MRPL42: variants seen among roughly 807,000 people sequenced by gnomAD.
The protein encoded by MRPL42 is large ribosomal subunit protein mL42.
Under a neutral mutation model 17.9 loss-of-function variants are expected in MRPL42, and 17 were observed. The observed-to-expected ratio is 0.95, with a 90% CI of 0.65 to 1.42. The LOEUF is 1.42. Ranked by LOEUF, MRPL42 falls within the 40% of genes most tolerant of loss-of-function variation. The probability of loss-of-function intolerance (pLI) is 0.00; values close to 1 mark genes in which losing one functional copy is unlikely to be tolerated. For missense variants in MRPL42, 177 were observed against 175.2 expected, an observed-to-expected ratio of 1.01 and a Z score of -0.06; for synonymous variants, 59 against 54.4, an observed-to-expected ratio of 1.08 and a Z score of -0.37.
intron 5 of MRPL42, among the ~76,000 whole-genome samples, chr12:93,492,642 T>A (rs1953436190): frequency 6.6e-6 from 1 of 152,360 alleles, no homozygotes; most frequent in Admixed American, 6.5e-5. Flanking sequence ...ACCTTCAGAA[T>A]GCTAAGAACT....
At chr12:93,485,019 T>TATAC (rs1880669073) in intron 4 of MRPL42, among the ~76,000 whole-genome samples, 5 of 43,692 alleles carry the variant, frequency 1.1e-4, no homozygotes, top group African/African-American at 1.9e-4. Flanking sequence ...TATATATATA[T>TATAC]ATATATATAA....
At chr12:93,492,035 T>C (rs191336002) in intron 5 of MRPL42, among the ~76,000 whole-genome samples, 1 of 152,374 alleles carries the variant, frequency 6.6e-6, no homozygotes, top group African/African-American at 2.4e-5. Context: ...GGCACCTGGA[T>C]TGATTCCATG....
chr12:93,489,584 AG>A (rs1459339471), intron 5 of MRPL42, among the ~76,000 whole-genome samples: 2 of 151,906 alleles, frequency 1.3e-5, no homozygotes, highest in Non-Finnish European at 2.9e-5. Flanking sequence ...CCTAGGCTGG[AG>A]TGCAGTGGTG....
intron 3 of MRPL42, among the ~76,000 whole-genome samples, chr12:93,477,932 G>T (rs112058022): frequency 0.012 from 1,894 of 151,946 alleles, 44 homozygotes; most frequent in African/African-American, 0.043. Context: ...CAAAATGCTG[G>T]AATTACAGGC....
intron 2 of MRPL42, among the ~76,000 whole-genome samples, chr12:93,475,419 A>G (rs912579126): frequency 2.0e-5 from 3 of 151,868 alleles, no homozygotes; most frequent in African/African-American, 7.2e-5. Context: ...CCTGGCGAAT[A>G]TTTGACTTTT....
rs1565820756 is a variant in MRPL42, at chr12:93,502,451, C to T, written c.*1230C>T. On this transcript the variant is annotated 3_prime_UTR_variant, in exon 6 of 6. Transcript: ENST00000549982. ...AAAATTGATATGAAAAATAATTTCT[C>T]AAAGTCTATTGTTTGATCTAGTTAT... The T allele has an allele frequency of 6.6e-6, 1 of 151,982 alleles. No individual in the cohort carries two copies. The highest frequency in any genetic ancestry group is 1.9e-4 in the East Asian group (1 of 5,186). The allele number at this position is 151,982 out of a possible 1,614,324, so 9.4% of individuals were successfully genotyped here.
chr12:93,474,261 A>G (rs1446702439), intron 2 of MRPL42, among the ~76,000 whole-genome samples: 1 of 151,962 alleles, frequency 6.6e-6, no homozygotes, highest in Non-Finnish European at 1.5e-5. Context: ...CAGAGATACA[A>G]AATTGTTTTT....
intron 2 of MRPL42, among the ~76,000 whole-genome samples, chr12:93,475,683 C>T (rs1377139221): frequency 6.6e-6 from 1 of 152,018 alleles, no homozygotes; most frequent in East Asian, 1.9e-4. Flanking sequence ...CTTTCACAAG[C>T]TTTTAAAAAA....
chr12:93,501,241 A>G lies in MRPL42; in HGVS notation c.*20A>G. ...AGATGATGCGGAGGTTCCTGGGGGA[A>G]TCAAAGAGAAATGTGCCTCATTTGC... is the stretch of plus-strand genomic sequence containing the variant. On this transcript the variant is annotated 3_prime_UTR_variant, in exon 6 of 6. Coordinates refer to ENST00000549982, the MANE Select transcript of MRPL42 (RefSeq NM_014050.4). The G allele has an allele frequency of 6.3e-7, 1 of 1,588,052 alleles. No individual in the cohort carries two copies. Among genetic ancestry groups the G allele is most frequent in the Non-Finnish European group, 8.5e-7 (1 of 1,170,004 alleles).
chr12:93,496,111 C>A (rs560955723), intron 5 of MRPL42, among the ~76,000 whole-genome samples: 1 of 152,070 alleles, frequency 6.6e-6, no homozygotes, highest in Non-Finnish European at 1.5e-5. Flanking sequence ...TAGGCTGGAG[C>A]GCAGTTGCAC....
chr12:93,482,704 G>A (rs1880517610), intron 4 of MRPL42, among the ~76,000 whole-genome samples: 1 of 152,018 alleles, frequency 6.6e-6, no homozygotes, highest in African/African-American at 2.4e-5. Context: ...TCCCACTTTA[G>A]CCTCATGAGT....
intron 5 of MRPL42, among the ~76,000 whole-genome samples, chr12:93,493,034 C>CTT (rs202182991): frequency 1.1e-5 from 1 of 89,928 alleles, no homozygotes; most frequent in African/African-American, 4.6e-5. Flanking sequence ...ACCCAGAAAA[C>CTT]TTTACCTCCT....
intron 2 of MRPL42, among the ~76,000 whole-genome samples, chr12:93,472,888 G>A (rs1364568470): frequency 6.6e-6 from 1 of 152,132 alleles, no homozygotes; most frequent in African/African-American, 2.4e-5. Flanking sequence ...AGAAACTTGA[G>A]TTCTGTGGCC....
At chr12:93,480,368 G>C (rs1880399675) in intron 4 of MRPL42, among the ~76,000 whole-genome samples, 1 of 151,946 alleles carries the variant, frequency 6.6e-6, no homozygotes, top group South Asian at 2.1e-4. Context: ...TGATCCGCCT[G>C]CCTCGGCCTC....
chr12:93,473,084 A>G (rs529115345), intron 2 of MRPL42, among the ~76,000 whole-genome samples: 43 of 152,312 alleles, frequency 2.8e-4, no homozygotes, highest in African/African-American at 8.9e-4. Flanking sequence ...GCAATTAAAT[A>G]TATATATGTA....
chr12:93,487,625 C>A lies in MRPL42; in HGVS notation c.348C>A (p.Phe116Leu), dbSNP rs1458321480. ...GPMIEQLSKM[F>L]FTTKHRWYPH... ...TGATAGAACAACTTAGCAAAATGTT[C>A]TTTACTACTAAGCACCGTTGGTATC... The change falls in exon 5 of 6, where the codon TTC becomes TTA. Residue 116 changes from phenylalanine to leucine, a missense_variant. By Grantham distance (22) the Phe-to-Leu change is conservative (BLOSUM62 0). Coordinates refer to ENST00000549982, the MANE Select transcript of MRPL42 (RefSeq NM_014050.4). 5.6e-6 allele frequency: 9 copies of A among 1,613,188 alleles called. No individual in the cohort carries two copies. Among genetic ancestry groups the A allele is most frequent in the Non-Finnish European group, 7.6e-6 (9 of 1,179,470 alleles).
chr12:93,483,953 A>C (rs962445721), intron 4 of MRPL42, among the ~76,000 whole-genome samples: 3 of 152,096 alleles, frequency 2.0e-5, no homozygotes, highest in Non-Finnish European at 4.4e-5. Flanking sequence ...GTGAGAACTA[A>C]GACACAAACA....
In MRPL42 at chr12:93,479,455, C is replaced by G. The variant is rs201774932; in HGVS notation, c.202C>G (p.Pro68Ala). The change falls in exon 4 of 6, where the codon CCA (proline) becomes GCA (alanine). Residue 68 changes from proline (P) to alanine (A), a missense_variant. Coordinates refer to ENST00000549982, the MANE Select transcript of MRPL42 (RefSeq NM_014050.4). ...ATGCTACCACCCTTCTGTGGACATT[C>G]CATATGAACACACAAAAGTATGTAT... ...IVCYHPSVDI[P>A]YEHTKPIPRP... The G allele has an allele frequency of 5.4e-5, 86 of 1,607,384 alleles. No homozygotes were observed. The highest frequency in any genetic ancestry group is 7.1e-5 in the Non-Finnish European group (84 of 1,175,866).
At chr12:93,497,205 A>G (rs1953522606) in intron 5 of MRPL42, among the ~76,000 whole-genome samples, 1 of 152,198 alleles carries the variant, frequency 6.6e-6, no homozygotes. Context: ...ATCGAGGAGG[A>G]AGGACTCCTC....
Sources: gnomAD v4.1 joint callset for allele counts (sites outside exome capture counted in the v4.1 genomes callset) on GRCh38, gnomAD v4.1.1 for gene constraint, MANE v1.5 for transcripts, NCBI Gene and HGNC (gene_info 2026-07-23, HGNC 2026-07-21) for gene names.